ATP11A: variants seen among roughly 807,000 people sequenced by gnomAD.
ATP11A encodes the protein phospholipid-transporting ATPase IH.
ATP11A carries 81 observed loss-of-function variants against 154.4 expected under a neutral mutation model. That is an observed-to-expected ratio of 0.52 (90% CI 0.44 to 0.63). ATP11A has a LOEUF of 0.63. ATP11A is among the 30% of genes least tolerant of loss of function. ATP11A has a pLI of 0.00. For missense variants in ATP11A, 1,316 were observed against 1,474.3 expected (o/e 0.89, Z 1.76); for synonymous variants, 623 against 585.9 (o/e 1.06, Z -0.91).
intron 15 of ATP11A, among the ~76,000 whole-genome samples, chr13:112,835,186 AT>A (rs141493031): frequency 0.023 from 3,437 of 152,262 alleles, 63 homozygotes; most frequent in Non-Finnish European, 0.033. Context: ...AACTCTTCCC[AT>A]TTTTTAGGGA....
intron 2 of ATP11A, among the ~76,000 whole-genome samples, chr13:112,797,173 C>G (rs1299386250): frequency 1.3e-5 from 2 of 149,672 alleles, no homozygotes; most frequent in African/African-American, 2.5e-5. Context: ...ATCCCAGCTA[C>G]TTGGGAGGCT....
rs182744658 is a variant in ATP11A, at chr13:112,880,618, C to T, written c.*10-1258C>T. On this transcript the variant is annotated intron_variant, in intron 29 of 29. Coordinates refer to ENST00000375645, the MANE Select transcript of ATP11A (RefSeq NM_015205.3). Reference sequence around the variant, plus strand: ...TGGGCCCCTCCTGAAGGACCTCCTACGGCGGCCAAGGCGCAGTTAGCTCCA... The same window carrying T: ...TGGGCCCCTCCTGAAGGACCTCCTATGGCGGCCAAGGCGCAGTTAGCTCCA... 2,528 of 1,298,214 alleles carry T rather than the reference C, an allele frequency of 1.9e-3. 3 individuals are homozygous for T. The highest frequency in any genetic ancestry group is 5.5e-3 in the Middle Eastern group (26 of 4,692). The allele number at this position is 1,298,214 out of a possible 1,614,324, so 80.4% of individuals were successfully genotyped here. A position where few individuals can be genotyped will look rare whatever the true frequency, so the allele number is the denominator to read the frequency against.
At chr13:112,731,026 C>G (rs930076508) in intron 1 of ATP11A, among the ~76,000 whole-genome samples, 2 of 152,158 alleles carry the variant, frequency 1.3e-5, no homozygotes, top group African/African-American at 4.8e-5. Context: ...ACCTCTGCCT[C>G]CTGGGCTCAA....
Position 112,875,375 on chromosome 13 carries a change from G to A in ATP11A, c.3162-401G>A, listed in dbSNP as rs1018836908. Among the ~76,000 whole-genome samples, 1 of 152,146 alleles carries A rather than the reference G, an allele frequency of 6.6e-6. No individual in the cohort carries two copies. ...GACGTCTTTGAATCATCCTCTTTCT[G>A]GGGAGAGAAGTCATTGCTTGCTCTG... On this transcript the variant is annotated intron_variant, in intron 27 of 29. Coordinates refer to ENST00000375645, the MANE Select transcript of ATP11A (RefSeq NM_015205.3). This position sits in a 1 kb window ranked among gnomAD's most constrained non-coding sequence, Gnocchi z 4.1.
chr13:112,787,287 C>G (rs2077665079), intron 2 of ATP11A, among the ~76,000 whole-genome samples: 1 of 127,336 alleles, frequency 7.9e-6, no homozygotes, highest in Non-Finnish European at 1.6e-5. Flanking sequence ...TGGATACCTA[C>G]TTAATTCACA....
Position 112,736,835 on chromosome 13 carries a change from A to G in ATP11A, c.39+46380A>G, listed in dbSNP as rs146685722. ...CTTTTGTGCTTCAAAGGACGCCATT[A>G]TGAAATTGAAAAGAAAATCCACAGG... On this transcript the variant is annotated intron_variant, in intron 1 of 29. Coordinates refer to ENST00000375645, the MANE Select transcript of ATP11A (RefSeq NM_015205.3). Among the ~76,000 whole-genome samples the G allele has an allele frequency of 1.1e-4, 17 of 152,370 alleles. 1 individual carries two copies. The East Asian group carries it at 3.1e-3, about 28-fold the overall frequency.
At chr13:112,867,688 G>A (rs1272968293) in intron 25 of ATP11A, among the ~76,000 whole-genome samples, 1 of 152,188 alleles carries the variant, frequency 6.6e-6, no homozygotes, top group South Asian at 2.1e-4. Context: ...TCTTCCGGCT[G>A]TACCCTCCAG....
intron 3 of ATP11A, among the ~76,000 whole-genome samples, 155 bp downstream of exon 3, chr13:112,805,201 G>A (rs890827105): frequency 1.3e-5 from 2 of 148,434 alleles, no homozygotes; most frequent in African/African-American, 5.0e-5. Context: ...AGGGCAAAAT[G>A]TCTTGGTTCT....
In ATP11A at chr13:112,814,364, AT is replaced by A. The variant is rs144857482; in HGVS notation, c.442-1707del. ...AGGGGTGAGCCACCACGCCTGGCTG[AT>A]TTTTTTTTTTTCTTTTGAGGACTGT... On this transcript the variant is annotated intron_variant, in intron 5 of 29. Coordinates refer to ENST00000375645, the MANE Select transcript of ATP11A (RefSeq NM_015205.3). Among the ~76,000 whole-genome samples the A allele has an allele frequency of 1.9e-3, 280 of 145,616 alleles. 2 individuals are homozygous for A. In the East Asian group the frequency reaches 0.026, roughly 14 times the overall value.
chr13:112,811,161 A>ACACACACACAC (rs2078484592), intron 5 of ATP11A, among the ~76,000 whole-genome samples: 6 of 115,578 alleles, frequency 5.2e-5, no homozygotes, highest in Non-Finnish European at 8.7e-5. Flanking sequence ...TGCCCCTTCC[A>ACACACACACAC]ACACACACAC....
chr13:112,723,335 G>A lies in ATP11A; in HGVS notation c.39+32880G>A, dbSNP rs576671115. Among the ~76,000 whole-genome samples, 15 of 2,142 alleles carry A rather than the reference G, an allele frequency of 7.0e-3. 1 individual carries two copies. The highest frequency in any genetic ancestry group is 0.069 in the South Asian group (4 of 58). The allele number at this position is 2,142 out of a possible 152,430, so 1.4% of individuals were successfully genotyped here. A position where few individuals can be genotyped will look rare whatever the true frequency, so the allele number is the denominator to read the frequency against. ...CATTCAGGCTGTTGTGCAGTGGCGC[G>A]ATCTCGGCTCACTGCACCCTCCGCC... is the stretch of plus-strand genomic sequence containing the variant. On this transcript the variant is annotated intron_variant, in intron 1 of 29. Transcript: ENST00000375645.
intron 1 of ATP11A, among the ~76,000 whole-genome samples, chr13:112,739,730 T>C (rs974114800): frequency 6.6e-6 from 1 of 152,240 alleles, no homozygotes; most frequent in East Asian, 1.9e-4. Flanking sequence ...GCATCTCAGA[T>C]GCCCATCAGT....
At chr13:112,806,062 T>G in intron 3 of ATP11A, 151 bp from the exon 4 acceptor site, 1 of 573,480 alleles carries the variant, frequency 1.7e-6, no homozygotes, top group Non-Finnish European at 3.1e-6. Flanking sequence ...GACGATTGAC[T>G]TGCTATCTCC....
intron 16 of ATP11A, among the ~76,000 whole-genome samples, chr13:112,840,000 C>T (rs1433772085): frequency 2.0e-5 from 3 of 152,162 alleles, no homozygotes; most frequent in Non-Finnish European, 4.4e-5. Flanking sequence ...ACCCCCGGGC[C>T]CTGCTTTTCT....
chr13:112,860,540 A>G, intron 24 of ATP11A, 126 bp downstream of exon 24: 1 of 1,131,194 alleles, frequency 8.8e-7, no homozygotes, highest in Non-Finnish European at 1.3e-6. Context: ...ATCTGCTGAT[A>G]TTCTTGCTTG....
At position 112,755,568 on chromosome 13, in the gene ATP11A, C is replaced by T. The variant is rs148058358; in HGVS notation, c.40-29567C>T. Reference sequence around the variant, plus strand: ...GGTTAGCCAGAACCATTTCCAGTCACGGAACCGTCACTCAGAGCAGCTCCC... The same window carrying T: ...GGTTAGCCAGAACCATTTCCAGTCATGGAACCGTCACTCAGAGCAGCTCCC... On this transcript the variant is annotated intron_variant, in intron 1 of 29. Transcript: ENST00000375645. Among the ~76,000 whole-genome samples the T allele has an allele frequency of 1.3e-3, 192 of 152,344 alleles. No individual in the cohort carries two copies. The East Asian group carries it at 0.013, about 10-fold the overall frequency.
At chr13:112,829,730 C>T (rs2079038163) in intron 12 of ATP11A, among the ~76,000 whole-genome samples, 3 of 152,074 alleles carry the variant, frequency 2.0e-5, no homozygotes, top group South Asian at 4.2e-4. Context: ...AAAAGGCATT[C>T]GTATAGGAAA....
In ATP11A at chr13:112,881,148, T is replaced by C. The variant is rs1484900146; in HGVS notation, c.*10-728T>C. 7.1e-6 allele frequency: 7 copies of C among 987,368 alleles called. No homozygotes were observed. In the East Asian group the frequency reaches 8.0e-4, roughly 113 times the overall value. 61.2% of individuals were successfully genotyped at this position (987,368 alleles called of 1,614,324 possible). Reference sequence around the variant, plus strand: ...ATCTGCTCCTGCCAGCATCCGCCGCTGCCCCCTGGTCTAAAAGTGGGCTGA... The same window carrying C: ...ATCTGCTCCTGCCAGCATCCGCCGCCGCCCCCTGGTCTAAAAGTGGGCTGA... On this transcript the variant is annotated intron_variant, in intron 29 of 29. Transcript: ENST00000375645.
rs1196021151 is a variant in ATP11A, at chr13:112,860,277, C to G, written c.2728-10C>G. The G allele has an allele frequency of 1.2e-6, 2 of 1,609,334 alleles. No homozygotes were observed. The highest frequency in any genetic ancestry group is 1.7e-6 in the Non-Finnish European group (2 of 1,176,942). On this transcript the variant is annotated splice_polypyrimidine_tract_variant and intron_variant, in intron 23 of 29. Transcript: ENST00000375645. ...CTGAGGTGCCACTTCTTGTGACTTT[C>G]CTCTTACAGACTTTGTACGACACCG...
Sources: allele counts gnomAD v4.1 joint callset (sites outside exome capture counted in the v4.1 genomes callset), GRCh38; gene constraint gnomAD v4.1.1; non-coding constraint Gnocchi (gnomAD v3.1); transcripts MANE v1.5; gene names NCBI Gene and HGNC (gene_info 2026-07-23, HGNC 2026-07-21).